The following ACAA2 variants were observed in gnomAD, a reference collection of about 807,000 sequenced individuals.
ACAA2 encodes 3-ketoacyl-CoA thiolase, mitochondrial.
ACAA2 carries 35 observed loss-of-function variants against 44.8 expected under a neutral mutation model. The observed-to-expected ratio is 0.78, with a 90% CI of 0.60 to 1.04. The LOEUF (loss-of-function observed/expected upper bound fraction) is 1.04. Ranked by LOEUF, ACAA2 falls within the 50% of genes least tolerant of loss-of-function variation. The pLI, the probability that ACAA2 is intolerant of heterozygous loss-of-function variation, is 0.00. For missense variants in ACAA2, 468 were observed against 482.6 expected, an observed-to-expected ratio of 0.97 and a Z score of 0.28; for synonymous variants, 142 against 166.5, an observed-to-expected ratio of 0.85 and a Z score of 1.13.
At chr18:49,790,561 G>C (rs2023386355) in intron 7 of ACAA2, among the ~76,000 whole-genome samples, 3 of 152,124 alleles carry the variant, frequency 2.0e-5, no homozygotes, top group Admixed American at 2.0e-4. Context: ...CCTTACAGTG[G>C]GAGGTTATAT....
intron 7 of ACAA2, 54 bp downstream of exon 7, chr18:49,791,413 AAAG>A (rs1414081380): frequency 1.3e-6 from 2 of 1,565,700 alleles, no homozygotes; most frequent in Non-Finnish European, 8.7e-7. Context: ...TCTGAATGCC[AAAG>A]AAGACTTACC....
At chr18:49,787,950 ATC>A (rs1465808432) in intron 7 of ACAA2, among the ~76,000 whole-genome samples, 1 of 152,222 alleles carries the variant, frequency 6.6e-6, no homozygotes, top group Admixed American at 6.5e-5. Context: ...AAATAGCAGT[ATC>A]TCCACATGGG....
At chr18:49,799,323 TCCTGCCTCAGCCTGCTGAGTG>T (rs1042557122) in intron 2 of ACAA2, among the ~76,000 whole-genome samples, 6 of 150,180 alleles carry the variant, frequency 4.0e-5, no homozygotes, top group Admixed American at 4.0e-4. Flanking sequence ...TGCCTGATTC[TCCTGCCTCAGCCTGCTGAGTG>T]CCTGCGATTG....
intron 1 of ACAA2, among the ~76,000 whole-genome samples, chr18:49,810,145 AC>A (rs1295229597): frequency 1.3e-5 from 2 of 152,242 alleles, no homozygotes; most frequent in African/African-American, 4.8e-5. Flanking sequence ...ATTTAAAAAA[AC>A]ATTTGCAGAA....
At position 49,794,274 on chromosome 18, in the gene ACAA2, A is replaced by T. The variant is rs2023439448; in HGVS notation, c.577+6T>A. The T allele has an allele frequency of 1.9e-6, 3 of 1,592,772 alleles. No individual in the cohort carries two copies. Among genetic ancestry groups the T allele is most frequent in the Non-Finnish European group, 2.6e-6 (3 of 1,174,236 alleles). On this transcript the variant is annotated splice_donor_region_variant and intron_variant, in intron 5 of 9. Coordinates refer to ENST00000285093, the MANE Select transcript of ACAA2 (RefSeq NM_006111.3). The stretch of plus-strand genomic sequence containing the variant: ...ATAGATACTGATACTTTCCAGTTTC[A>T]CTCACCAGCTTTCCATCTCTGCTGT...
At chr18:49,789,031 G>C (rs2023366975) in intron 7 of ACAA2, among the ~76,000 whole-genome samples, 1 of 152,152 alleles carries the variant, frequency 6.6e-6, no homozygotes, top group Non-Finnish European at 1.5e-5. Flanking sequence ...CCAAGTAATA[G>C]ATAATGCCAG....
chr18:49,801,785 CAT>C (rs55864039), intron 2 of ACAA2, among the ~76,000 whole-genome samples: 56,699 of 112,018 alleles, frequency 0.51, 13,657 homozygotes, highest in Middle Eastern at 0.65. Flanking sequence ...AGAAACTGAT[CAT>C]ATATATATAT....
chr18:49,789,590 A>C (rs2023374411), intron 7 of ACAA2, among the ~76,000 whole-genome samples: 1 of 152,208 alleles, frequency 6.6e-6, no homozygotes, highest in Non-Finnish European at 1.5e-5. Flanking sequence ...GAACCTATTA[A>C]ATAAAGTTAA....
At chr18:49,788,718 A>C (rs2023363187) in intron 7 of ACAA2, among the ~76,000 whole-genome samples, 1 of 152,246 alleles carries the variant, frequency 6.6e-6, no homozygotes, top group Non-Finnish European at 1.5e-5. Context: ...CCTTGTCTGC[A>C]TAAACAACAC....
In ACAA2 at chr18:49,783,475, A is replaced by G. The variant is rs540139152; in HGVS notation, c.*372T>C. On this transcript the variant is annotated 3_prime_UTR_variant, in exon 10 of 10. Transcript: ENST00000285093. ...TATCTTATCACAATTTAAAATTTTT[A>G]AAAATATAAATGACAGGAAAATATT... 6.0e-6 allele frequency: 1 copy of G among 166,546 alleles called. No individual in the cohort carries two copies. Among genetic ancestry groups the G allele is most frequent in the South Asian group, 1.7e-4 (1 of 5,850 alleles). The allele number at this position is 166,546 out of a possible 1,614,324, so 10.3% of individuals were successfully genotyped here.
At chr18:49,806,585 G>A (rs1420280201) in intron 1 of ACAA2, among the ~76,000 whole-genome samples, 2 of 152,136 alleles carry the variant, frequency 1.3e-5, no homozygotes, top group African/African-American at 4.8e-5. Context: ...TGTTCCATCT[G>A]CAATATTCAT....
At chr18:49,797,778 AC>A (rs2023482229) in intron 2 of ACAA2, among the ~76,000 whole-genome samples, 184 bp from the exon 3 acceptor site, 1 of 152,228 alleles carries the variant, frequency 6.6e-6, no homozygotes, top group African/African-American at 2.4e-5. Flanking sequence ...TTGAATAAAA[AC>A]TACAGTCAAT....
At chr18:49,799,604 G>A (rs2023508763) in intron 2 of ACAA2, among the ~76,000 whole-genome samples, 1 of 152,140 alleles carries the variant, frequency 6.6e-6, no homozygotes, top group African/African-American at 2.4e-5. Context: ...GCCTCCCAAA[G>A]TGCCGAGATT....
intron 7 of ACAA2, among the ~76,000 whole-genome samples, chr18:49,787,750 C>T (rs561530556): frequency 3.4e-4 from 52 of 152,270 alleles, no homozygotes; most frequent in African/African-American, 1.2e-3. Flanking sequence ...CTACCATAAA[C>T]GGCTTTAAGA....
intron 7 of ACAA2, 112 bp from the exon 8 acceptor site, chr18:49,787,473 T>C (rs1284768552): frequency 2.6e-6 from 2 of 766,322 alleles, no homozygotes; most frequent in Non-Finnish European, 1.9e-6. Context: ...CGGCAGTTAT[T>C]AGTAGCCACA....
intron 8 of ACAA2, chr18:49,786,235 G>A (rs1383315208): frequency 1.3e-5 from 2 of 152,118 alleles, no homozygotes; most frequent in East Asian, 3.8e-4. Flanking sequence ...CCATCTTCAA[G>A]GAGGTACTAA....
intron 8 of ACAA2, chr18:49,785,655 G>A: frequency 3.0e-6 from 1 of 335,578 alleles, no homozygotes; most frequent in Non-Finnish European, 5.4e-6. Context: ...CTGGATGGAT[G>A]GTTCAAATAT....
chr18:49,804,964 T>TA (rs2023595864), intron 1 of ACAA2, among the ~76,000 whole-genome samples: 1 of 152,214 alleles, frequency 6.6e-6, no homozygotes, highest in South Asian at 2.1e-4. Flanking sequence ...TACTAAATAC[T>TA]AGACATTTTA....
At chr18:49,793,956 A>G (rs142982357) in intron 5 of ACAA2, among the ~76,000 whole-genome samples, 78 of 152,298 alleles carry the variant, frequency 5.1e-4, no homozygotes, top group African/African-American at 1.7e-3. Context: ...ACAGTGAGCT[A>G]TCACCTCTGA....
Sources: gnomAD v4.1 joint callset for allele counts (sites outside exome capture counted in the v4.1 genomes callset) on GRCh38, gnomAD v4.1.1 for gene constraint, MANE v1.5 for transcripts, NCBI Gene and HGNC (gene_info 2026-07-23, HGNC 2026-07-21) for gene names.